The following PHF19 variants were observed in gnomAD, a reference collection of about 807,000 sequenced individuals.
The protein encoded by PHF19 is polycomb like 3.
A neutral mutation model predicts 79.8 loss-of-function variants in PHF19; 21 were observed. The ratio of observed to expected loss-of-function variants is 0.26; its 90% CI spans 0.19 to 0.38. The LOEUF is 0.38. Among genes scored for constraint, PHF19 ranks in the 10% least tolerant of loss-of-function variants. The pLI is 1.00. For synonymous variants in PHF19, 273 were observed against 296.3 expected, an observed-to-expected ratio of 0.92 and a Z score of 0.81; for missense variants, 445 against 744.2, an observed-to-expected ratio of 0.60 and a Z score of 4.68.
upstream of PHF19, among the ~76,000 whole-genome samples, chr9:120,897,474 T>C (rs144474731): frequency 6.8e-4 from 104 of 152,288 alleles, no homozygotes; most frequent in African/African-American, 2.3e-3. Context: ...ATGGAGTGGG[T>C]GGGGCCTGTT....
chr9:120,859,797 C>T (rs539796867), intron 14 of PHF19, among the ~76,000 whole-genome samples: 1 of 152,302 alleles, frequency 6.6e-6, no homozygotes, highest in Admixed American at 6.5e-5. Context: ...CCAACAACCC[C>T]AGAACTGGAA....
chr9:120,893,787 A>C (rs541136385), intron 1 of PHF19, among the ~76,000 whole-genome samples: 1 of 152,354 alleles, frequency 6.6e-6, no homozygotes, highest in Non-Finnish European at 1.5e-5. Flanking sequence ...TACGAGGGAG[A>C]AAATACATCA....
At chr9:120,900,108 C>T in the PHF19 span, among the ~76,000 whole-genome samples, 2 of 150,212 alleles carry the variant, frequency 1.3e-5, no homozygotes, top group Non-Finnish European at 2.9e-5. Flanking sequence ...TGCCTCAGCC[C>T]GCCGAGTAGC....
chr9:120,879,711 G>A (rs1218076415), upstream of PHF19, among the ~76,000 whole-genome samples: 1 of 152,212 alleles, frequency 6.6e-6, no homozygotes, highest in African/African-American at 2.4e-5. Flanking sequence ...TCGAATTGAG[G>A]AAAGAGAACA....
upstream of PHF19, among the ~76,000 whole-genome samples, chr9:120,898,110 CA>C (rs2046416579): frequency 6.6e-6 from 1 of 152,024 alleles, no homozygotes; most frequent in Non-Finnish European, 1.5e-5. Context: ...GAGTTTCAAA[CA>C]ATCTCTCTAA....
chr9:120,861,190 GGA>G lies in PHF19; in HGVS notation c.1219-18_1219-17del. ...TGAAGTCACTCTGTGGACACAGGAAGGAGAGAGGAAGGGTCAGACAGCGAGTA... is the reference window on the plus strand; with the variant it reads ...TGAAGTCACTCTGTGGACACAGGAAGGAGAGGAAGGGTCAGACAGCGAGTA... On this transcript the variant is annotated splice_polypyrimidine_tract_variant and intron_variant, in intron 12 of 14. Transcript: ENST00000373896. 2 of 1,471,932 alleles carry G rather than the reference GGA, an allele frequency of 1.4e-6. No individual in the cohort carries two copies. The highest frequency in any genetic ancestry group is 1.1e-5 in the South Asian group (1 of 88,210). The allele number at this position is 1,471,932 out of a possible 1,614,324, so 91.2% of individuals were successfully genotyped here.
Position 120,862,803 on chromosome 9 carries a change from T to C in PHF19, c.969-54A>G, listed in dbSNP as rs1400341489. 3 of 1,544,314 alleles carry C rather than the reference T, an allele frequency of 1.9e-6. No homozygotes were observed. The highest frequency in any genetic ancestry group is 1.4e-5 in the African/African-American group (1 of 73,502). On this transcript the variant is annotated intron_variant, in intron 10 of 14. Transcript: ENST00000373896. The surrounding 1 kb of genome is among the most constrained non-coding windows in gnomAD (Gnocchi z 4.6). ...TCTGGAGTCTGTCAGTCCATCCTCC[T>C]GGGGAGTGGGGTCAAGCATGACACA... is the stretch of plus-strand genomic sequence containing the variant.
chr9:120,857,713 G>A lies in PHF19; in HGVS notation c.*231C>T, dbSNP rs1457778625. ...CAGAGTTTGAGGGGGTGTGGAGTGT[G>A]TAGAGACACAGGCACAGGGGTAACG... On this transcript the variant is annotated 3_prime_UTR_variant, in exon 15 of 15. Coordinates refer to ENST00000373896, the MANE Select transcript of PHF19 (RefSeq NM_015651.3). 10 of 499,264 alleles carry A rather than the reference G, an allele frequency of 2.0e-5. No homozygotes were observed. Among genetic ancestry groups the A allele is most frequent in the African/African-American group, 1.9e-4 (10 of 51,396 alleles). The allele number at this position is 499,264 out of a possible 1,614,324, so 30.9% of individuals were successfully genotyped here.
At chr9:120,890,273 CTTT>C (rs10658749) in intron 1 of PHF19, among the ~76,000 whole-genome samples, 12 of 115,396 alleles carry the variant, frequency 1.0e-4, no homozygotes, top group Middle Eastern at 4.4e-3. Flanking sequence ...AATGAGCCTG[CTTT>C]TTTTTTTTTT....
chr9:120,873,672 CA>C (rs2045967663), intron 3 of PHF19, among the ~76,000 whole-genome samples: 1 of 152,266 alleles, frequency 6.6e-6, no homozygotes, highest in African/African-American at 2.4e-5. Context: ...AGCTGTAGTG[CA>C]GCCAGGAAGC....
intron 12 of PHF19, 42 bp downstream of exon 12, chr9:120,861,876 C>A (rs1215934581): frequency 1.5e-6 from 2 of 1,362,898 alleles, no homozygotes; most frequent in African/African-American, 1.4e-5. Flanking sequence ...TATGTGCTGA[C>A]CCTGCGTATG....
Position 120,857,946 on chromosome 9 carries a change from A to T in PHF19, c.1741T>A (p.Ter581ArgextTer157). 1 of 1,569,740 alleles carries T rather than the reference A, an allele frequency of 6.4e-7. No individual in the cohort carries two copies. Among genetic ancestry groups the T allele is most frequent in the South Asian group, 1.1e-5 (1 of 87,190 alleles). ...CCCCTGGCACCCCCGGGGGCTAGTC[A>T]GTAAGGGGTGGTCCCTTCCCACTCC... ...LVEWEGTTPY[*>R] Residue 581 changes from the stop codon to arginine (R), a stop_lost, in exon 15 of 15, where the codon TGA (stop) becomes AGA (arginine). Coordinates refer to ENST00000373896, the MANE Select transcript of PHF19 (RefSeq NM_015651.3).
intron 9 of PHF19, among the ~76,000 whole-genome samples, chr9:120,864,902 T>G (rs1469922906): frequency 6.6e-6 from 1 of 151,972 alleles, no homozygotes; most frequent in Non-Finnish European, 1.5e-5. Flanking sequence ...AAAGTATACT[T>G]CCTTATACTT....
Position 120,870,391 on chromosome 9 carries a change from C to A in PHF19, c.364+52G>T. ...CAGCAGTACCCGTCAGGGGCCAGTG[C>A]GTGGGGACCTATAGGTCGGGGCCTT... On this transcript the variant is annotated intron_variant, in intron 4 of 14. Coordinates refer to ENST00000373896, the MANE Select transcript of PHF19 (RefSeq NM_015651.3). The surrounding 1 kb of genome is among the most constrained non-coding windows in gnomAD (Gnocchi z 4.4). The A allele has an allele frequency of 9.0e-7, 1 of 1,116,462 alleles. No homozygotes were observed. Among genetic ancestry groups the A allele is most frequent in the South Asian group, 1.3e-5 (1 of 79,948 alleles). The allele number at this position is 1,116,462 out of a possible 1,614,324, so 69.2% of individuals were successfully genotyped here.
In PHF19 at chr9:120,869,394, G is replaced by C. The variant is rs908334766; in HGVS notation, c.466-64C>G. 1.0e-4 allele frequency: 162 copies of C among 1,550,666 alleles called. No homozygotes were observed. Among genetic ancestry groups the C allele is most frequent in the Non-Finnish European group, 1.3e-4 (152 of 1,141,600 alleles). On this transcript the variant is annotated intron_variant, in intron 5 of 14. Coordinates refer to ENST00000373896, the MANE Select transcript of PHF19 (RefSeq NM_015651.3). This position sits in a 1 kb window ranked among gnomAD's most constrained non-coding sequence, Gnocchi z 5.8. ...GGGTGGACCACGCGAGTCAGCACGC[G>C]GCTGTCTATTGAGGGAAGTGCTGCC...
intron 12 of PHF19, 127 bp downstream of exon 12, chr9:120,861,791 G>A: frequency 1.3e-6 from 1 of 749,252 alleles, no homozygotes. Context: ...GCTGTAATAG[G>A]GACTGGCTTC....
intron 14 of PHF19, among the ~76,000 whole-genome samples, chr9:120,858,866 A>C (rs1466378105): frequency 4.4e-5 from 6 of 136,966 alleles, no homozygotes; most frequent in African/African-American, 1.6e-4. Context: ...CACGGGTGTT[A>C]GAGAAATGGA....
At chr9:120,880,789 A>T (rs542406465), upstream of PHF19, among the ~76,000 whole-genome samples, 6 of 151,418 alleles carry the variant, frequency 4.0e-5, no homozygotes, top group Admixed American at 6.6e-5. Context: ...GCGAAACCCT[A>T]TCTCTACTAA....
At chr9:120,878,489 C>T (rs542641256), upstream of PHF19, among the ~76,000 whole-genome samples, 6 of 152,284 alleles carry the variant, frequency 3.9e-5, no homozygotes, top group South Asian at 1.0e-3. Flanking sequence ...GGGATATGTG[C>T]TTTCATGGGT....
Sources: gnomAD v4.1 joint callset for allele counts (sites outside exome capture counted in the v4.1 genomes callset) on GRCh38, gnomAD v4.1.1 for gene constraint, Gnocchi (gnomAD v3.1) non-coding constraint, MANE v1.5 for transcripts, NCBI Gene and HGNC (gene_info 2026-07-23, HGNC 2026-07-21) for gene names.